SLC26A7: variants seen among roughly 807,000 people sequenced by gnomAD.
The protein encoded by SLC26A7 is anion exchange transporter.
A neutral mutation model predicts 82.5 loss-of-function variants in SLC26A7; 59 were observed. That is an observed-to-expected ratio of 0.72 (90% CI 0.58 to 0.89). The LOEUF is 0.89. Among genes scored for constraint, SLC26A7 ranks in the 40% least tolerant of loss-of-function variants. SLC26A7 has a pLI of 0.00. For missense variants in SLC26A7, 820 were observed against 793.0 expected, an observed-to-expected ratio of 1.03 and a Z score of -0.41; for synonymous variants, 271 against 274.3, an observed-to-expected ratio of 0.99 and a Z score of 0.12.
chr8:91,300,566 T>C (rs1343300870), intron 4 of SLC26A7, among the ~76,000 whole-genome samples: 2 of 151,858 alleles, frequency 1.3e-5, no homozygotes, highest in African/African-American at 4.8e-5. Context: ...CCCGGCTAAT[T>C]TTTTGTATTT....
In SLC26A7 at chr8:91,351,828, T is replaced by A. The variant is rs1441646254; in HGVS notation, c.1159T>A (p.Cys387Ser). The change falls in exon 10 of 19, where the codon TGC (cysteine) becomes AGC (serine). Residue 387 changes from cysteine (C) to serine (S), a missense_variant. Transcript: ENST00000276609. ...AKTQVACLISCIFVLIVIYAI... is the reference protein window; with the variant it reads ...AKTQVACLISSIFVLIVIYAI... ...TTTACAGGTGGCTTGTCTAATATCTTGCATTTTCGTCCTTATAGTCATCTA... is the reference window on the plus strand; with the variant it reads ...TTTACAGGTGGCTTGTCTAATATCTAGCATTTTCGTCCTTATAGTCATCTA... The A allele has an allele frequency of 6.2e-7, 1 of 1,612,284 alleles. No individual in the cohort carries two copies. The highest frequency in any genetic ancestry group is 1.1e-5 in the South Asian group (1 of 91,044).
At chr8:91,334,170 C>A in intron 5 of SLC26A7, 125 bp from the exon 6 acceptor site, 1 of 881,020 alleles carries the variant, frequency 1.1e-6, no homozygotes, top group Non-Finnish European at 1.7e-6. Context: ...CTACCTATAT[C>A]TTTCCTCTCC....
intron 2 of SLC26A7, 108 bp downstream of exon 2, chr8:91,249,952 A>G: frequency 1.3e-6 from 1 of 799,164 alleles, no homozygotes; most frequent in Non-Finnish European, 1.8e-6. Flanking sequence ...ATAAATGGAT[A>G]TTAGCTGTGG....
chr8:91,375,675 C>A (rs879495090), intron 15 of SLC26A7, among the ~76,000 whole-genome samples: 1 of 63,728 alleles, frequency 1.6e-5, no homozygotes, highest in African/African-American at 5.9e-5. Flanking sequence ...TTTTTTTTTT[C>A]TTCATGTTGG....
At chr8:91,359,248 T>C (rs1026862849) in intron 11 of SLC26A7, among the ~76,000 whole-genome samples, 1 of 152,198 alleles carries the variant, frequency 6.6e-6, no homozygotes, top group Non-Finnish European at 1.5e-5. Flanking sequence ...CTTAAGATTT[T>C]TTTCTTAACA....
chr8:91,330,218 G>T (rs1165945209), intron 5 of SLC26A7, among the ~76,000 whole-genome samples: 1 of 152,086 alleles, frequency 6.6e-6, no homozygotes, highest in Non-Finnish European at 1.5e-5. Flanking sequence ...TTTTCACCCA[G>T]TGAGGCTCCA....
intron 5 of SLC26A7, among the ~76,000 whole-genome samples, chr8:91,327,157 A>G (rs1326267801): frequency 6.6e-6 from 1 of 152,186 alleles, no homozygotes; most frequent in East Asian, 1.9e-4. Context: ...CACTCACTGC[A>G]GTAACCCAAC....
chr8:91,390,971 T>C (rs1330622439), intron 16 of SLC26A7, among the ~76,000 whole-genome samples: 3 of 152,320 alleles, frequency 2.0e-5, no homozygotes, highest in Admixed American at 2.0e-4. Context: ...GATAGTCTTG[T>C]ATTAGTTACA....
intron 2 of SLC26A7, among the ~76,000 whole-genome samples, chr8:91,250,545 ATTTGT>A (rs1350265528): frequency 1.3e-5 from 2 of 152,180 alleles, no homozygotes; most frequent in African/African-American, 4.8e-5. Flanking sequence ...ATGTGTGTGT[ATTTGT>A]TTGCCTTAAA....
chr8:91,292,805 A>G (rs1404037919), intron 3 of SLC26A7, among the ~76,000 whole-genome samples: 1 of 152,134 alleles, frequency 6.6e-6, no homozygotes, highest in African/African-American at 2.4e-5. Context: ...ATTGGAATAA[A>G]TACACAACAG....
chr8:91,328,911 T>A (rs914300852), intron 5 of SLC26A7, among the ~76,000 whole-genome samples: 28 of 152,158 alleles, frequency 1.8e-4, no homozygotes, highest in African/African-American at 6.3e-4. Context: ...TTTATATCAT[T>A]ATAATAAATG....
intron 3 of SLC26A7, 98 bp downstream of exon 3, chr8:91,289,344 G>C (rs1317161400): frequency 1.7e-5 from 15 of 880,784 alleles, no homozygotes; most frequent in Non-Finnish European, 2.6e-5. Context: ...TGTCACTGCT[G>C]AAAACCACAG....
chr8:91,330,461 C>T (rs1813049436), intron 5 of SLC26A7, among the ~76,000 whole-genome samples: 1 of 152,052 alleles, frequency 6.6e-6, no homozygotes, highest in African/African-American at 2.4e-5. Flanking sequence ...AATGTTTTGA[C>T]TCAATATTTT....
At chr8:91,320,450 T>C (rs1171022245) in intron 5 of SLC26A7, among the ~76,000 whole-genome samples, 1 of 152,186 alleles carries the variant, frequency 6.6e-6, no homozygotes, top group East Asian at 1.9e-4. Context: ...TCCTGTACTG[T>C]GAGGCTGTTA....
At chr8:91,212,663 T>G (rs1247477741) in intron 1 of SLC26A7, among the ~76,000 whole-genome samples, 2 of 152,192 alleles carry the variant, frequency 1.3e-5, no homozygotes, top group African/African-American at 2.4e-5. Context: ...CTGACATTCA[T>G]TTATGAAACT....
chr8:91,335,193 T>A lies in SLC26A7; in HGVS notation c.795+746T>A, dbSNP rs560180015. ...ATGTATATGATAAATGTTGTCTAAA[T>A]AACTTCATCTAATAAAATATTCCTT... is the stretch of plus-strand genomic sequence containing the variant. On this transcript the variant is annotated intron_variant, in intron 6 of 18. Coordinates refer to ENST00000276609, the MANE Select transcript of SLC26A7 (RefSeq NM_052832.4). 2.6e-5 allele frequency among the ~76,000 whole-genome samples: 4 copies of A among 152,268 alleles called. No homozygotes were observed. The South Asian group carries it at 8.3e-4, about 32-fold the overall frequency.
intron 1 of SLC26A7, among the ~76,000 whole-genome samples, chr8:91,212,324 C>T (rs929051524): frequency 1.3e-5 from 2 of 151,932 alleles, no homozygotes; most frequent in African/African-American, 4.8e-5. Context: ...CTTATAGTTT[C>T]GTTAGTTGAA....
chr8:91,351,739 C>T lies in SLC26A7; in HGVS notation c.1141-71C>T, dbSNP rs1813721236. On this transcript the variant is annotated intron_variant, in intron 9 of 18. Transcript: ENST00000276609. ...GATAAACTAAGAATTATCCCCCCCA[C>T]CCCATAACTTTGACATAATAAAAAA... The T allele has an allele frequency of 3.2e-5, 30 of 952,060 alleles. No homozygotes were observed. The South Asian group carries it at 3.5e-4, about 11-fold the overall frequency. 59.0% of individuals were successfully genotyped at this position (952,060 alleles called of 1,614,324 possible). A position where few individuals can be genotyped will look rare whatever the true frequency, so the allele number is the denominator to read the frequency against.
At chr8:91,223,427 T>G (rs1360912732) in intron 2 of SLC26A7, among the ~76,000 whole-genome samples, 2 of 152,226 alleles carry the variant, frequency 1.3e-5, no homozygotes, top group African/African-American at 4.8e-5. Context: ...GATGTTAGGA[T>G]GCTGATTTGA....
Sources: allele counts gnomAD v4.1 joint callset (sites outside exome capture counted in the v4.1 genomes callset), GRCh38; gene constraint gnomAD v4.1.1; transcripts MANE v1.5; gene names NCBI Gene and HGNC (gene_info 2026-07-23, HGNC 2026-07-21).